SSBP3: variants seen among roughly 807,000 people sequenced by gnomAD.
SSBP3 encodes single-stranded DNA-binding protein 3.
Under a neutral mutation model 69.6 loss-of-function variants are expected in SSBP3, and 5 were observed. The ratio of observed to expected loss-of-function variants is 0.07; its 90% confidence interval spans 0.04 to 0.15. The LOEUF is 0.15. Among genes scored for constraint, SSBP3 ranks in the 10% least tolerant of loss-of-function variants. SSBP3 has a pLI of 1.00. For synonymous variants in SSBP3, 196 were observed against 193.4 expected (o/e 1.01, Z -0.11); for missense variants, 312 against 534.0 (o/e 0.58, Z 4.10).
At chr1:54,227,187 G>GCT (rs1553120703) in intron 17 of SSBP3, 27 bp from the exon 18 acceptor site, 1 of 1,145,974 alleles carries the variant, frequency 8.7e-7, no homozygotes, top group Non-Finnish European at 1.3e-6. Context: ...GAGAAGGGGG[G>GCT]GGGGTGAGGA....
chr1:54,333,280 G>A (rs1327771107), intron 4 of SSBP3, among the ~76,000 whole-genome samples: 1 of 152,066 alleles, frequency 6.6e-6, no homozygotes, highest in Non-Finnish European at 1.5e-5. Flanking sequence ...GCATCCTCCC[G>A]CCTCCTCTGC....
At chr1:54,285,046 A>G (rs1214075152) in intron 4 of SSBP3, among the ~76,000 whole-genome samples, 1 of 152,222 alleles carries the variant, frequency 6.6e-6, no homozygotes, top group Non-Finnish European at 1.5e-5. Context: ...GTTAGCATTG[A>G]CTAAGGGGCA....
At position 54,274,198 on chromosome 1, in the gene SSBP3, G is replaced by A. The variant is rs568367597; in HGVS notation, c.366+7240C>T. 2.8e-4 allele frequency among the ~76,000 whole-genome samples: 43 copies of A among 152,338 alleles called. No homozygotes were observed. In the East Asian group the frequency reaches 3.7e-3, roughly 13 times the overall value. On this transcript the variant is annotated intron_variant, in intron 5 of 17. Coordinates refer to ENST00000610401, the Ensembl canonical transcript of SSBP3. ...AGGGGGTTTTATTTCCCCACAGACA[G>A]GCAGTTATCAAGAAGCTGCGGATCC...
upstream of SSBP3, among the ~76,000 whole-genome samples, chr1:54,408,986 A>G (rs1317601713): frequency 1.3e-5 from 2 of 152,154 alleles, no homozygotes; most frequent in Admixed American, 1.3e-4. Flanking sequence ...GCTGGCTAGA[A>G]GATTGCTGAG....
intron 4 of SSBP3, among the ~76,000 whole-genome samples, chr1:54,378,117 G>A (rs1339326583): frequency 6.6e-6 from 1 of 152,096 alleles, no homozygotes; most frequent in Non-Finnish European, 1.5e-5. Flanking sequence ...GATGCCCTCG[G>A]ACCTCTGGCC....
chr1:54,357,713 T>A (rs909340703), intron 4 of SSBP3, among the ~76,000 whole-genome samples: 5 of 152,308 alleles, frequency 3.3e-5, no homozygotes, highest in Middle Eastern at 6.8e-3. Context: ...GCCAGCCTGG[T>A]TAACATAGCA....
chr1:54,371,226 C>T (rs1270695977), intron 4 of SSBP3, among the ~76,000 whole-genome samples: 1 of 152,252 alleles, frequency 6.6e-6, no homozygotes, highest in African/African-American at 2.4e-5. Context: ...CATGTTCTCA[C>T]AAGACTAAGT....
At chr1:54,314,948 A>G (rs1470290376) in intron 4 of SSBP3, among the ~76,000 whole-genome samples, 1 of 152,164 alleles carries the variant, frequency 6.6e-6, no homozygotes, top group Admixed American at 6.5e-5. Flanking sequence ...TCCTAAGAAC[A>G]AAAGAACGGC....
chr1:54,268,618 A>T (rs1436166705), intron 5 of SSBP3, among the ~76,000 whole-genome samples: 1 of 152,250 alleles, frequency 6.6e-6, no homozygotes, highest in East Asian at 1.9e-4. Flanking sequence ...GGAACAGCAA[A>T]GTCTGCCAAG....
intron 4 of SSBP3, among the ~76,000 whole-genome samples, chr1:54,288,951 T>C (rs528472364): frequency 3.2e-4 from 42 of 131,950 alleles, no homozygotes; most frequent in African/African-American, 8.3e-4. Context: ...ACCCGGGAGG[T>C]GGAGCTTGCA....
chr1:54,307,085 T>C (rs1028308558), intron 4 of SSBP3, among the ~76,000 whole-genome samples: 1 of 152,152 alleles, frequency 6.6e-6, no homozygotes, highest in Non-Finnish European at 1.5e-5. Context: ...CCCTACTACC[T>C]GGGCACCCTA....
chr1:54,232,581 T>C (rs1374630268), intron 14 of SSBP3, among the ~76,000 whole-genome samples: 1 of 152,084 alleles, frequency 6.6e-6, no homozygotes, highest in Admixed American at 6.5e-5. Context: ...ACAAATAAAT[T>C]AGGGGCCCTC....
chr1:54,376,799 TG>T (rs1647255186), intron 4 of SSBP3, among the ~76,000 whole-genome samples: 1 of 152,188 alleles, frequency 6.6e-6, no homozygotes, highest in African/African-American at 2.4e-5. Flanking sequence ...CCCGACAACC[TG>T]GGCACCCTTG....
intron 13 of SSBP3, among the ~76,000 whole-genome samples, 156 bp downstream of exon 13, chr1:54,240,749 G>A (rs1388641916): frequency 6.6e-6 from 1 of 152,122 alleles, no homozygotes. Context: ...GTCATCAAGG[G>A]ACCCCCTGCC....
intron 4 of SSBP3, among the ~76,000 whole-genome samples, chr1:54,351,057 G>C (rs11806201): frequency 0.025 from 3,765 of 152,146 alleles, 177 homozygotes; most frequent in African/African-American, 0.086. Flanking sequence ...CGAACTCCTA[G>C]CTCAAGCAAT....
intron 4 of SSBP3, among the ~76,000 whole-genome samples, chr1:54,361,971 G>C (rs529059617): frequency 3.9e-5 from 6 of 152,304 alleles, no homozygotes; most frequent in Admixed American, 1.3e-4. Flanking sequence ...AAAGAGACTG[G>C]AGGCGTAATT....
chr1:54,315,882 G>C (rs533723439), intron 4 of SSBP3, among the ~76,000 whole-genome samples: 1 of 151,810 alleles, frequency 6.6e-6, no homozygotes, highest in Non-Finnish European at 1.5e-5. Context: ...GATTGGTCTC[G>C]GACTCCTGGT....
rs906803636 is a variant in SSBP3 at position 54,242,077 on chromosome 1, G to A, written c.765+87C>T. ...AGTCCTGCTGCATCTCCCACTTCCC[G>A]TGACACCTACACCCAGGGACAGTAG... On this transcript the variant is annotated intron_variant, in intron 11 of 17. Transcript: ENST00000610401. 60 of 1,475,976 alleles carry A rather than the reference G, an allele frequency of 4.1e-5. No individual in the cohort carries two copies. In the African/African-American group the frequency reaches 4.2e-4, roughly 10 times the overall value. 91.4% of individuals were successfully genotyped at this position (1,475,976 alleles called of 1,614,324 possible). A position where few individuals can be genotyped will look rare whatever the true frequency, so the allele number is the denominator to read the frequency against.
intron 4 of SSBP3, among the ~76,000 whole-genome samples, chr1:54,295,950 T>G (rs1645696906): frequency 6.6e-6 from 1 of 152,212 alleles, no homozygotes; most frequent in Non-Finnish European, 1.5e-5. Context: ...CTGGTCTTAT[T>G]ATATAGACAA....
Sources: allele counts gnomAD v4.1 joint callset (sites outside exome capture counted in the v4.1 genomes callset), GRCh38; gene constraint gnomAD v4.1.1; transcripts MANE v1.5; gene names NCBI Gene and HGNC (gene_info 2026-07-23, HGNC 2026-07-21).